Variants in PRIM2 observed in about 807,000 individuals in gnomAD.
PRIM2 encodes DNA primase subunit 2.
In PRIM2, 39 loss-of-function variants were observed where a neutral mutation model predicts 67.3. The observed-to-expected ratio is 0.58, with a 90% CI of 0.45 to 0.76. The LOEUF (loss-of-function observed/expected upper bound fraction) is 0.76. Among genes scored for constraint, PRIM2 ranks in the 30% least tolerant of loss-of-function variants. PRIM2 has a pLI of 0.00. For synonymous variants in PRIM2, 143 were observed against 198.7 expected (o/e 0.72, Z 2.36); for missense variants, 398 against 598.7 (o/e 0.66, Z 3.50).
At chr6:57,254,718 A>T in the PRIM2 span, among the ~76,000 whole-genome samples, 3 of 40,696 alleles carry the variant, frequency 7.4e-5, no homozygotes, top group Non-Finnish European at 1.5e-4. Flanking sequence ...AAACAAGTTT[A>T]TTGGGGGTCT....
At chr6:57,559,973 C>G (rs1379943097) in intron 10 of PRIM2, among the ~76,000 whole-genome samples, 1 of 152,060 alleles carries the variant, frequency 6.6e-6, no homozygotes, top group Non-Finnish European at 1.5e-5. Context: ...GTGGCTCTTA[C>G]AATTTCTTAA....
At chr6:57,223,443 A>T in the PRIM2 span, among the ~76,000 whole-genome samples, 1 of 152,136 alleles carries the variant, frequency 6.6e-6, no homozygotes, top group Admixed American at 6.6e-5. Flanking sequence ...TCTTATGCAC[A>T]TTTTTCTGTA....
Position 57,559,389 on chromosome 6 carries a change from A to T in PRIM2, c.1020+21764A>T, listed in dbSNP as rs1291363361. 1.4e-4 allele frequency among the ~76,000 whole-genome samples: 22 copies of T among 152,240 alleles called. 1 individual carries two copies. The highest frequency in any genetic ancestry group is 1.4e-3 in the Admixed American group (22 of 15,284). On this transcript the variant is annotated intron_variant, in intron 10 of 13. Coordinates refer to ENST00000615550, the MANE Select transcript of PRIM2 (RefSeq NM_000947.5). ...TTTACCTGTTCTAGTGAATTTTTGC[A>T]GTCTTTTTTTGGCTTTACCTTGTAC...
At chr6:57,362,026 A>G (rs947101210) in intron 5 of PRIM2, among the ~76,000 whole-genome samples, 6 of 152,162 alleles carry the variant, frequency 3.9e-5, no homozygotes, top group African/African-American at 1.4e-4. Flanking sequence ...AATGGATGGA[A>G]TATCATGTGC....
intron 7 of PRIM2, among the ~76,000 whole-genome samples, chr6:57,395,635 G>C (rs1317738308): frequency 6.6e-6 from 1 of 151,856 alleles, no homozygotes; most frequent in Non-Finnish European, 1.5e-5. Flanking sequence ...TTTATCTTTT[G>C]TATTGTTTTT....
chr6:57,507,263 A>T, intron 7 of PRIM2, 124 bp from the exon 8 acceptor site: 1 of 845,140 alleles, frequency 1.2e-6, no homozygotes, highest in Non-Finnish European at 1.8e-6. Flanking sequence ...AAAAAGAGAA[A>T]TAGAACCTTA....
intron 7 of PRIM2, among the ~76,000 whole-genome samples, chr6:57,474,260 C>T (rs1473604748): frequency 0.059 from 7,060 of 119,730 alleles, 429 homozygotes; most frequent in African/African-American, 0.17. Context: ...CTGCAAGCTC[C>T]GCCTCCCGGG....
chr6:57,480,755 A>C (rs1209825987), intron 7 of PRIM2, among the ~76,000 whole-genome samples: 1 of 152,046 alleles, frequency 6.6e-6, no homozygotes, highest in South Asian at 2.1e-4. Flanking sequence ...CAGCCTCCCG[A>C]GTAGCTGGTA....
At chr6:57,440,216 T>A (rs1362315561) in intron 7 of PRIM2, among the ~76,000 whole-genome samples, 1 of 151,154 alleles carries the variant, frequency 6.6e-6, no homozygotes, top group Non-Finnish European at 1.5e-5. Context: ...TTTCCTTTTT[T>A]CCCCCAGACA....
At chr6:57,442,314 T>C (rs950085934) in intron 7 of PRIM2, among the ~76,000 whole-genome samples, 1 of 152,078 alleles carries the variant, frequency 6.6e-6, no homozygotes, top group Non-Finnish European at 1.5e-5. Context: ...GCAGATGACT[T>C]ACTGAGTCAT....
chr6:57,645,321 T>TCACACACACACA (rs1189530732), intron 13 of PRIM2, among the ~76,000 whole-genome samples: 5 of 132,776 alleles, frequency 3.8e-5, no homozygotes, highest in Non-Finnish European at 8.1e-5. Flanking sequence ...ACAATGTCAT[T>TCACACACACACA]CACACACACA....
At chr6:57,324,820 CTT>C (rs1159872649) in intron 4 of PRIM2, among the ~76,000 whole-genome samples, 1 of 151,948 alleles carries the variant, frequency 6.6e-6, no homozygotes. Context: ...TTATGGCTGT[CTT>C]TTTTTAAAAT....
At chr6:57,412,348 T>G (rs1771114749) in intron 7 of PRIM2, among the ~76,000 whole-genome samples, 2 of 152,150 alleles carry the variant, frequency 1.3e-5, no homozygotes, top group African/African-American at 4.8e-5. Context: ...ATTATTGATA[T>G]TAGACTTTTA....
chr6:57,560,844 G>T (rs1381630811), intron 10 of PRIM2, among the ~76,000 whole-genome samples: 1 of 152,142 alleles, frequency 6.6e-6, no homozygotes, highest in East Asian at 1.9e-4. Flanking sequence ...ACATTTTGCT[G>T]TTCCATTTAG....
Position 57,646,173 on chromosome 6 carries a change from C to G in PRIM2, c.*15C>G. 6.5e-7 allele frequency: 1 copy of G among 1,546,542 alleles called. No individual in the cohort carries two copies. Among genetic ancestry groups the G allele is most frequent in the Non-Finnish European group, 8.9e-7 (1 of 1,121,354 alleles). ...AAGATTCTTAGGCAGTTTTATAACC[C>G]TTTTTCCTCAATAGCCTGTTTCCTG... On this transcript the variant is annotated 3_prime_UTR_variant, in exon 14 of 14. Coordinates refer to ENST00000615550, the MANE Select transcript of PRIM2 (RefSeq NM_000947.5).
chr6:57,472,716 A>T (rs1329141807), intron 7 of PRIM2, among the ~76,000 whole-genome samples: 4 of 152,262 alleles, frequency 2.6e-5, no homozygotes, highest in Admixed American at 2.6e-4. Flanking sequence ...ATAACTAATT[A>T]AATATATAAT....
At chr6:57,295,137 A>T in the PRIM2 span, among the ~76,000 whole-genome samples, 1 of 152,176 alleles carries the variant, frequency 6.6e-6, no homozygotes, top group Admixed American at 6.5e-5. Context: ...CATAATAAGG[A>T]TATGTTACTT....
intron 7 of PRIM2, among the ~76,000 whole-genome samples, chr6:57,386,981 CTT>C (rs1022603877): frequency 7.9e-5 from 12 of 152,110 alleles, no homozygotes; most frequent in Non-Finnish European, 1.3e-4. Flanking sequence ...GACCATATGA[CTT>C]TTATAATATG....
chr6:57,407,894 C>T (rs1249303511), intron 7 of PRIM2, among the ~76,000 whole-genome samples: 1 of 152,264 alleles, frequency 6.6e-6, no homozygotes, highest in African/African-American at 2.4e-5. Context: ...CTCAATTTAA[C>T]CCTGTTGGCA....
Sources: allele counts gnomAD v4.1 joint callset (sites outside exome capture counted in the v4.1 genomes callset), GRCh38; gene constraint gnomAD v4.1.1; transcripts MANE v1.5; gene names NCBI Gene and HGNC (gene_info 2026-07-23, HGNC 2026-07-21).